The following BCHE variants were observed in gnomAD, a reference collection of about 807,000 sequenced individuals.
BCHE encodes cholinesterase.
In BCHE, 48 loss-of-function variants were observed where a neutral mutation model predicts 51.3. The ratio of observed to expected loss-of-function variants is 0.94; its 90% CI spans 0.74 to 1.19. The LOEUF is 1.19. Ranked by LOEUF, BCHE falls within the 50% of genes most tolerant of loss-of-function variation. The pLI is 0.00. For missense variants in BCHE, 847 were observed against 708.2 expected (o/e 1.20, Z -2.23); for synonymous variants, 251 against 238.0 (o/e 1.05, Z -0.50).
intron 2 of BCHE, among the ~76,000 whole-genome samples, chr3:165,824,533 T>A (rs1714647957): frequency 6.6e-6 from 1 of 151,954 alleles, no homozygotes; most frequent in African/African-American, 2.4e-5. Context: ...GTGCTAACAA[T>A]CCTAGAGAAT....
intron 3 of BCHE, among the ~76,000 whole-genome samples, chr3:165,785,269 T>A (rs1355177717): frequency 2.0e-5 from 3 of 151,742 alleles, no homozygotes. Flanking sequence ...AATAGCAAAC[T>A]CTGAAGGACC....
At chr3:165,819,728 T>C (rs1051025993) in intron 2 of BCHE, among the ~76,000 whole-genome samples, 3 of 82,912 alleles carry the variant, frequency 3.6e-5, no homozygotes, top group African/African-American at 1.2e-4. Context: ...TGTTCTTATG[T>C]TTTTGCTAAA....
intron 3 of BCHE, among the ~76,000 whole-genome samples, chr3:165,776,680 A>G (rs1271590498): frequency 6.6e-6 from 1 of 151,750 alleles, no homozygotes; most frequent in Non-Finnish European, 1.5e-5. Flanking sequence ...TTTCTTCTTT[A>G]TAGTGGTAAC....
At chr3:165,815,399 G>A (rs899408276) in intron 2 of BCHE, among the ~76,000 whole-genome samples, 3 of 151,974 alleles carry the variant, frequency 2.0e-5, no homozygotes, top group East Asian at 1.9e-4. Flanking sequence ...TTGGAGTTCC[G>A]GTTTTCACTG....
chr3:165,789,014 A>G (rs964968859), intron 2 of BCHE, among the ~76,000 whole-genome samples: 1 of 152,198 alleles, frequency 6.6e-6, no homozygotes, highest in Non-Finnish European at 1.5e-5. Flanking sequence ...TATTTCCACC[A>G]TGCACAATTC....
chr3:165,784,894 T>C (rs542314524), intron 3 of BCHE, among the ~76,000 whole-genome samples: 1 of 151,816 alleles, frequency 6.6e-6, no homozygotes, highest in South Asian at 2.1e-4. Flanking sequence ...TCTCTTTGGG[T>C]CTCTTGGCAT....
intron 2 of BCHE, among the ~76,000 whole-genome samples, chr3:165,824,755 C>T (rs1050548949): frequency 2.6e-5 from 4 of 151,692 alleles, no homozygotes; most frequent in African/African-American, 7.3e-5. Context: ...TTTTAAAATA[C>T]ATAAAACTGT....
intron 2 of BCHE, among the ~76,000 whole-genome samples, chr3:165,822,432 A>G (rs1714557995): frequency 1.3e-5 from 2 of 152,038 alleles, no homozygotes; most frequent in African/African-American, 4.8e-5. Context: ...GTGGAATACA[A>G]TTTTCTGTCA....
intron 2 of BCHE, among the ~76,000 whole-genome samples, chr3:165,807,858 C>G (rs1387579508): frequency 6.6e-6 from 1 of 152,128 alleles, no homozygotes; most frequent in Non-Finnish European, 1.5e-5. Flanking sequence ...GCCACTACAC[C>G]TGGCTGATGT....
At chr3:165,809,029 T>C (rs1042981919) in intron 2 of BCHE, among the ~76,000 whole-genome samples, 2 of 152,244 alleles carry the variant, frequency 1.3e-5, no homozygotes, top group Non-Finnish European at 1.5e-5. Context: ...TTATATATTA[T>C]ATTAAGTTTA....
At chr3:165,824,069 G>A (rs1425960542) in intron 2 of BCHE, among the ~76,000 whole-genome samples, 5 of 151,786 alleles carry the variant, frequency 3.3e-5, no homozygotes, top group Admixed American at 6.6e-5. Flanking sequence ...GAACCACCAT[G>A]TTCAGCCTAA....
intron 2 of BCHE, among the ~76,000 whole-genome samples, chr3:165,802,872 G>C (rs1009741370): frequency 2.0e-5 from 3 of 151,972 alleles, no homozygotes; most frequent in Non-Finnish European, 4.4e-5. Context: ...CTCCTGAGTA[G>C]CTGGGACTAC....
chr3:165,780,618 C>A (rs938893394), intron 3 of BCHE, among the ~76,000 whole-genome samples: 2 of 152,092 alleles, frequency 1.3e-5, no homozygotes, highest in Non-Finnish European at 2.9e-5. Flanking sequence ...ACAGACACTT[C>A]TCAAAAGAAG....
chr3:165,812,069 A>G (rs1045363091), intron 2 of BCHE, among the ~76,000 whole-genome samples: 5 of 152,056 alleles, frequency 3.3e-5, no homozygotes, highest in African/African-American at 1.2e-4. Context: ...ACCTTCAAGA[A>G]CAGACGGAGG....
rs1433929209 is a variant in BCHE, at chr3:165,826,877, G to A, written c.1517+2640C>T. Reference sequence around the variant, plus strand: ...AATTATATCATTGTGGAATGCCGCCGTGTGCATTACAGGGTGTTTAGCAGC... The same window carrying A: ...AATTATATCATTGTGGAATGCCGCCATGTGCATTACAGGGTGTTTAGCAGC... On this transcript the variant is annotated intron_variant, in intron 2 of 3. Coordinates refer to ENST00000264381, the MANE Select transcript of BCHE (RefSeq NM_000055.4). 2.6e-5 allele frequency among the ~76,000 whole-genome samples: 4 copies of A among 152,062 alleles called. No individual in the cohort carries two copies. In the South Asian group the frequency reaches 6.2e-4, roughly 24 times the overall value.
At chr3:165,837,282 C>T in intron 1 of BCHE, 32 bp downstream of exon 1, 1 of 1,236,086 alleles carries the variant, frequency 8.1e-7, no homozygotes, top group Non-Finnish European at 1.1e-6. Context: ...ACTTGGATCT[C>T]TACACGAAGG....
In BCHE at chr3:165,795,915, A is replaced by T. The variant is rs1045218327; in HGVS notation, c.1518-9604T>A. Among the ~76,000 whole-genome samples the T allele has an allele frequency of 9.2e-5, 14 of 152,086 alleles. No individual in the cohort carries two copies. The South Asian group carries it at 1.0e-3, about 11-fold the overall frequency. On this transcript the variant is annotated intron_variant, in intron 2 of 3. Coordinates refer to ENST00000264381, the MANE Select transcript of BCHE (RefSeq NM_000055.4). ...ACAGAGAATTTGGATATAGGTTTTT[A>T]TGAGAAAAAAGAAGGGAAGAGAAAG...
intron 3 of BCHE, among the ~76,000 whole-genome samples, chr3:165,775,617 A>G (rs1712440613): frequency 6.6e-6 from 1 of 151,640 alleles, no homozygotes; most frequent in Non-Finnish European, 1.5e-5. Flanking sequence ...CCTAGATCTG[A>G]TTTTCCTTTT....
intron 3 of BCHE, among the ~76,000 whole-genome samples, chr3:165,779,927 T>A (rs1178154230): frequency 3.3e-5 from 5 of 151,968 alleles, no homozygotes; most frequent in Admixed American, 2.0e-4. Flanking sequence ...ATTTAATATG[T>A]AACCAAAAAA....
Sources: gnomAD v4.1 joint callset for allele counts (sites outside exome capture counted in the v4.1 genomes callset) on GRCh38, gnomAD v4.1.1 for gene constraint, MANE v1.5 for transcripts, NCBI Gene and HGNC (gene_info 2026-07-23, HGNC 2026-07-21) for gene names.